Variants in PCDH9 observed in about 807,000 individuals in gnomAD.
PCDH9 encodes protocadherin 9.
Under a neutral mutation model 70.6 loss-of-function variants are expected in PCDH9, and 24 were observed. That is an observed-to-expected ratio of 0.34 (90% CI 0.25 to 0.48). PCDH9 has a LOEUF of 0.48. Ranked by LOEUF, PCDH9 falls within the 20% of genes least tolerant of loss-of-function variation. The pLI is 0.99. For synonymous variants in PCDH9, 562 were observed against 558.5 expected, an observed-to-expected ratio of 1.01 and a Z score of -0.09; for missense variants, 1,281 against 1,503.6, an observed-to-expected ratio of 0.85 and a Z score of 2.45.
At chr13:66,894,044 C>T (rs1347832615) in intron 3 of PCDH9, among the ~76,000 whole-genome samples, 1 of 152,124 alleles carries the variant, frequency 6.6e-6, no homozygotes, top group Non-Finnish European at 1.5e-5. Flanking sequence ...ATTTCAAACT[C>T]GATGTCTGAC....
At chr13:66,607,332 A>G (rs1229719268) in intron 4 of PCDH9, among the ~76,000 whole-genome samples, 2 of 152,034 alleles carry the variant, frequency 1.3e-5, no homozygotes, top group Middle Eastern at 3.2e-3. Context: ...AAAGTATAAA[A>G]CTGCCTAGTA....
intron 4 of PCDH9, among the ~76,000 whole-genome samples, chr13:66,578,821 T>C (rs1358437052): frequency 6.6e-6 from 1 of 152,122 alleles, no homozygotes; most frequent in Non-Finnish European, 1.5e-5. Flanking sequence ...GTAGCCATTT[T>C]GGGAGCCAAC....
At chr13:66,930,167 A>C (rs1256935596) in intron 2 of PCDH9, among the ~76,000 whole-genome samples, 1 of 152,162 alleles carries the variant, frequency 6.6e-6, no homozygotes, top group Non-Finnish European at 1.5e-5. Context: ...TATTTTATTA[A>C]GGTAATTCTA....
intron 4 of PCDH9, among the ~76,000 whole-genome samples, chr13:66,316,308 A>G (rs1425037341): frequency 6.6e-6 from 1 of 152,180 alleles, no homozygotes; most frequent in Non-Finnish European, 1.5e-5. Context: ...CATTCTGGGG[A>G]CTAAGACATG....
intron 3 of PCDH9, among the ~76,000 whole-genome samples, chr13:66,725,860 C>G (rs1429865935): frequency 6.6e-6 from 1 of 152,124 alleles, no homozygotes; most frequent in Non-Finnish European, 1.5e-5. Context: ...ACTTACATCT[C>G]TAAGGAAAAG....
chr13:67,004,953 G>A (rs1182877021), intron 2 of PCDH9, among the ~76,000 whole-genome samples: 3 of 151,978 alleles, frequency 2.0e-5, no homozygotes, highest in African/African-American at 7.3e-5. Flanking sequence ...ATTTTGAAGT[G>A]GTCCACCTAG....
Position 66,808,146 on chromosome 13 carries a change from T to C in PCDH9, c.3138+95358A>G, listed in dbSNP as rs1057338937. On this transcript the variant is annotated intron_variant, in intron 3 of 4. Transcript: ENST00000377865. ...CATTACTATCTAATAACAAAAAATA[T>C]GTAGAGCAATCATAGTCCATAAGTC... Among the ~76,000 whole-genome samples, 4 of 152,162 alleles carry C rather than the reference T, an allele frequency of 2.6e-5. No homozygotes were observed. In the East Asian group the frequency reaches 5.8e-4, roughly 22 times the overall value.
intron 3 of PCDH9, among the ~76,000 whole-genome samples, chr13:66,888,860 G>A (rs932438332): frequency 6.6e-6 from 1 of 152,116 alleles, no homozygotes; most frequent in East Asian, 1.9e-4. Context: ...AGCAGTCAGG[G>A]CTCCTCTTTA....
rs1183341456 is a variant in PCDH9 at position 66,303,105 on chromosome 13, A to AT, written c.*1549dup. ...TCAGATTAGCAAACCTTTTTTTTAA[A>AT]TTTTTTGTTTTTTTTTTGTTTTTTT... On this transcript the variant is annotated 3_prime_UTR_variant, in exon 5 of 5. Coordinates refer to ENST00000377865, the MANE Select transcript of PCDH9 (RefSeq NM_203487.3). 4.6e-5 allele frequency: 7 copies of AT among 151,592 alleles called. No homozygotes were observed. The highest frequency in any genetic ancestry group is 1.5e-4 in the African/African-American group (6 of 41,134). The allele number at this position is 151,592 out of a possible 1,614,324, so 9.4% of individuals were successfully genotyped here.
chr13:66,715,713 A>C (rs2078859204), intron 3 of PCDH9, among the ~76,000 whole-genome samples: 1 of 152,206 alleles, frequency 6.6e-6, no homozygotes, highest in Non-Finnish European at 1.5e-5. Flanking sequence ...GATTCCACTG[A>C]GTAAAAGATG....
At chr13:66,991,957 T>G (rs1323927) in intron 2 of PCDH9, among the ~76,000 whole-genome samples, 135,273 of 151,838 alleles carry the variant, frequency 0.89, 61,784 homozygotes, top group East Asian at 1. Flanking sequence ...AGTATATGGG[T>G]TTTTTTTAAA....
intron 4 of PCDH9, among the ~76,000 whole-genome samples, chr13:66,513,892 G>C (rs529764446): frequency 6.6e-6 from 1 of 151,922 alleles, no homozygotes; most frequent in Non-Finnish European, 1.5e-5. Context: ...CAATCAAGTG[G>C]AGATTAAATT....
At chr13:66,665,109 CTT>C (rs766181890) in intron 3 of PCDH9, among the ~76,000 whole-genome samples, 7 of 29,126 alleles carry the variant, frequency 2.4e-4, no homozygotes, top group Admixed American at 2.5e-4. Context: ...CTTTTCTCTC[CTT>C]TTTTTTTTTT....
chr13:66,919,681 G>A (rs1179495547), intron 2 of PCDH9, among the ~76,000 whole-genome samples: 1 of 150,936 alleles, frequency 6.6e-6, no homozygotes, highest in Admixed American at 6.6e-5. Context: ...ATGGAAAAAA[G>A]GACTGTATTC....
chr13:66,854,737 C>T (rs1012752589), intron 3 of PCDH9, among the ~76,000 whole-genome samples: 4 of 151,952 alleles, frequency 2.6e-5, no homozygotes, highest in African/African-American at 7.3e-5. Context: ...CTGTGATATG[C>T]TTTACAGAGG....
chr13:66,569,637 A>C (rs939705747), intron 4 of PCDH9, among the ~76,000 whole-genome samples: 3 of 152,166 alleles, frequency 2.0e-5, no homozygotes, highest in Admixed American at 2.0e-4. Context: ...ATTACCATTC[A>C]TGAACATTTT....
At chr13:66,312,151 C>T (rs1330710273) in intron 4 of PCDH9, among the ~76,000 whole-genome samples, 1 of 152,050 alleles carries the variant, frequency 6.6e-6, no homozygotes, top group Non-Finnish European at 1.5e-5. Flanking sequence ...GCTTAGACTC[C>T]CTAGCTCCCA....
intron 4 of PCDH9, among the ~76,000 whole-genome samples, chr13:66,308,717 G>A (rs1390427349): frequency 3.3e-5 from 5 of 151,920 alleles, no homozygotes; most frequent in Non-Finnish European, 5.9e-5. Context: ...CAAGAACCAG[G>A]TAAAAACAGC....
intron 3 of PCDH9, among the ~76,000 whole-genome samples, chr13:66,878,767 C>A (rs1566261447): frequency 6.6e-6 from 1 of 151,866 alleles, no homozygotes; most frequent in Non-Finnish European, 1.5e-5. Context: ...AAAGGAAAAT[C>A]ATTGGGGATT....
Sources: gnomAD v4.1 joint callset for allele counts (sites outside exome capture counted in the v4.1 genomes callset) on GRCh38, gnomAD v4.1.1 for gene constraint, MANE v1.5 for transcripts, NCBI Gene and HGNC (gene_info 2026-07-23, HGNC 2026-07-21) for gene names.